SAMD4A: variants seen among roughly 807,000 people sequenced by gnomAD.
SAMD4A encodes the protein sterile alpha motif domain containing 4A.
SAMD4A carries 33 observed loss-of-function variants against 81.3 expected under a neutral mutation model. The ratio of observed to expected loss-of-function variants is 0.41; its 90% CI spans 0.31 to 0.54. The LOEUF (loss-of-function observed/expected upper bound fraction) is 0.54. SAMD4A is among the 20% of genes least tolerant of loss of function. The pLI, the probability that SAMD4A is intolerant of heterozygous loss-of-function variation, is 0.37. For missense variants in SAMD4A, 854 were observed against 951.1 expected, an observed-to-expected ratio of 0.90 and a Z score of 1.34; for synonymous variants, 389 against 382.1, an observed-to-expected ratio of 1.02 and a Z score of -0.21.
Position 54,567,883 on chromosome 14 carries a change from G to C in SAMD4A, c.-34G>C. On this transcript the variant is annotated 5_prime_UTR_variant, in exon 2 of 13. Coordinates refer to ENST00000554335, the MANE Select transcript of SAMD4A (RefSeq NM_015589.6). ...CGGGCGGGGCGGGCTGGGGCGCCCA[G>C]GGGGCTCTGTAGACCGAGGGCGGCC... 3.2e-6 allele frequency: 5 copies of C among 1,585,008 alleles called. No homozygotes were observed. The highest frequency in any genetic ancestry group is 3.4e-6 in the Non-Finnish European group (4 of 1,172,490).
Position 54,607,845 on chromosome 14 carries a change from A to G in SAMD4A, c.196+39733A>G, listed in dbSNP as rs1594727090. Among the ~76,000 whole-genome samples the G allele has an allele frequency of 4.6e-5, 7 of 152,046 alleles. No individual in the cohort carries two copies. The South Asian group carries it at 1.5e-3, about 32-fold the overall frequency. On this transcript the variant is annotated intron_variant, in intron 2 of 12. Transcript: ENST00000554335. ...TATATGGGCAACATGGTGAAACCCC[A>G]TCTCTACTAAAAATAGAAAAATTAG...
intron 3 of SAMD4A, among the ~76,000 whole-genome samples, chr14:54,711,524 G>A (rs1190572695): frequency 1.3e-5 from 2 of 152,162 alleles, no homozygotes; most frequent in Admixed American, 1.3e-4. Context: ...CACCTTGGGG[G>A]AAGCTGGGTG....
At chr14:54,700,517 A>G (rs2036688164) in intron 2 of SAMD4A, among the ~76,000 whole-genome samples, 1 of 152,146 alleles carries the variant, frequency 6.6e-6, no homozygotes, top group Non-Finnish European at 1.5e-5. Flanking sequence ...TTGTTTTGTT[A>G]TGTTTGCACC....
At chr14:54,621,705 C>T (rs528883852) in intron 2 of SAMD4A, among the ~76,000 whole-genome samples, 1 of 152,186 alleles carries the variant, frequency 6.6e-6, no homozygotes, top group Non-Finnish European at 1.5e-5. Context: ...ATATTCTAGA[C>T]CAGATTCTTT....
chr14:54,568,189 A>T, intron 2 of SAMD4A, 77 bp downstream of exon 2: 2 of 1,235,602 alleles, frequency 1.6e-6, no homozygotes, highest in Non-Finnish European at 1.0e-6. Context: ...GCCTCGGGCC[A>T]GGCCGAGGCC....
At chr14:54,649,179 G>A (rs1033413039) in intron 2 of SAMD4A, among the ~76,000 whole-genome samples, 20 of 152,192 alleles carry the variant, frequency 1.3e-4, no homozygotes, top group Non-Finnish European at 2.2e-4. Context: ...TGAGGCTGTC[G>A]AGTAGGATTT....
chr14:54,755,037 G>C (rs1453897910), intron 6 of SAMD4A: 1 of 170,822 alleles, frequency 5.9e-6, no homozygotes, highest in Non-Finnish European at 1.2e-5. Context: ...AGGTGAAATA[G>C]ACCGCTGTGC....
intron 2 of SAMD4A, among the ~76,000 whole-genome samples, chr14:54,650,826 G>A (rs2140422154): frequency 6.6e-6 from 1 of 152,256 alleles, no homozygotes; most frequent in Middle Eastern, 3.4e-3. Flanking sequence ...ACAGAGGCGT[G>A]CCCCACGTTG....
At chr14:54,737,652 G>A (rs182956073) in intron 4 of SAMD4A, among the ~76,000 whole-genome samples, 1 of 146,034 alleles carries the variant, frequency 6.8e-6, no homozygotes, top group Non-Finnish European at 1.5e-5. Context: ...CTCCAACCTT[G>A]TACCTCATTG....
intron 2 of SAMD4A, among the ~76,000 whole-genome samples, chr14:54,592,451 C>T (rs1253807596): frequency 2.0e-5 from 3 of 152,066 alleles, no homozygotes; most frequent in Non-Finnish European, 4.4e-5. Context: ...GCATTGTTAA[C>T]ACATTTTTTT....
At chr14:54,667,824 C>T (rs746104434) in intron 2 of SAMD4A, among the ~76,000 whole-genome samples, 2 of 152,178 alleles carry the variant, frequency 1.3e-5, no homozygotes, top group Non-Finnish European at 2.9e-5. Flanking sequence ...TTAGCCTTTG[C>T]TTATGTTGTC....
At position 54,791,016 on chromosome 14, in the gene SAMD4A, C is replaced by T. The variant is rs1424406829; in HGVS notation, c.*2072C>T. 6.6e-6 allele frequency: 1 copy of T among 152,044 alleles called. No individual in the cohort carries two copies. The highest frequency in any genetic ancestry group is 2.4e-5 in the African/African-American group (1 of 41,390). 9.4% of individuals were successfully genotyped at this position (152,044 alleles called of 1,614,324 possible). On this transcript the variant is annotated 3_prime_UTR_variant, in exon 13 of 13. Transcript: ENST00000554335. ...AAGGTTCAGACCTCTCCTTGGGTGACTAAGTTCTAAAGATGCAAATCCATG... is the reference window on the plus strand; with the variant it reads ...AAGGTTCAGACCTCTCCTTGGGTGATTAAGTTCTAAAGATGCAAATCCATG...
At chr14:54,648,793 C>T (rs1342325118) in intron 2 of SAMD4A, among the ~76,000 whole-genome samples, 4 of 152,090 alleles carry the variant, frequency 2.6e-5, no homozygotes, top group African/African-American at 9.7e-5. Flanking sequence ...AATGAAGGCG[C>T]TTCATTGACC....
rs1475758784 is a variant in SAMD4A at position 54,770,177 on chromosome 14, C to G, written c.1670C>G (p.Pro557Arg). 1 of 1,613,894 alleles carries G rather than the reference C, an allele frequency of 6.2e-7. No homozygotes were observed. The highest frequency in any genetic ancestry group is 1.3e-5 in the African/African-American group (1 of 74,924). Reference protein sequence around the residue: ...QQVQKLFRSFPRKTLLDISGY... With the variant: ...QQVQKLFRSFRRKTLLDISGY... Reference sequence around the variant, plus strand: ...GTGCAGAAGCTCTTTCGGTCTTTCCCTCGGAAAACCCTTCTAGACATATCA... The same window carrying G: ...GTGCAGAAGCTCTTTCGGTCTTTCCGTCGGAAAACCCTTCTAGACATATCA... The change falls in exon 9 of 13, where the codon CCT (proline) becomes CGT (arginine). Residue 557 changes from proline to arginine, a missense_variant. Pro to Arg is a moderately radical substitution (Grantham distance 103). Coordinates refer to ENST00000554335, the MANE Select transcript of SAMD4A (RefSeq NM_015589.6).
intron 2 of SAMD4A, among the ~76,000 whole-genome samples, chr14:54,616,602 G>A (rs1410402308): frequency 6.6e-6 from 1 of 152,134 alleles, no homozygotes; most frequent in Non-Finnish European, 1.5e-5. Flanking sequence ...TCTATCTTTA[G>A]ATAAGCAGAT....
chr14:54,712,422 G>T (rs765802492), intron 3 of SAMD4A, among the ~76,000 whole-genome samples: 5 of 152,194 alleles, frequency 3.3e-5, no homozygotes, highest in Admixed American at 6.5e-5. Flanking sequence ...TATAACAGCT[G>T]GCATGGTATA....
chr14:54,583,617 A>G (rs2033536666), intron 2 of SAMD4A, among the ~76,000 whole-genome samples: 1 of 152,100 alleles, frequency 6.6e-6, no homozygotes, highest in Non-Finnish European at 1.5e-5. Context: ...TTTTCTCTGT[A>G]GTTGGCGGAA....
At chr14:54,596,028 A>G (rs1392424108) in intron 2 of SAMD4A, among the ~76,000 whole-genome samples, 1 of 152,228 alleles carries the variant, frequency 6.6e-6, no homozygotes, top group Non-Finnish European at 1.5e-5. Flanking sequence ...CCTCTGTGGA[A>G]TTAGACTCCC....
At chr14:54,741,795 G>A (rs1289194403) in intron 4 of SAMD4A, among the ~76,000 whole-genome samples, 1 of 152,180 alleles carries the variant, frequency 6.6e-6, no homozygotes, top group East Asian at 1.9e-4. Context: ...GTAAGTGAAG[G>A]AAGGGCATTC....
Sources: allele counts gnomAD v4.1 joint callset (sites outside exome capture counted in the v4.1 genomes callset), GRCh38; gene constraint gnomAD v4.1.1; transcripts MANE v1.5; gene names NCBI Gene and HGNC (gene_info 2026-07-23, HGNC 2026-07-21).